LRRTM4: variants seen among roughly 807,000 people sequenced by gnomAD.
The protein encoded by LRRTM4 is leucine rich repeat transmembrane neuronal 4, also known as leucine-rich repeat transmembrane neuronal protein 4.
LRRTM4 carries 25 observed loss-of-function variants against 47.6 expected under a neutral mutation model. The ratio of observed to expected loss-of-function variants is 0.53; its 90% CI spans 0.38 to 0.73. The LOEUF (loss-of-function observed/expected upper bound fraction) is 0.73, where lower values mean the gene tolerates loss of function less well. Among genes scored for constraint, LRRTM4 ranks in the 30% least tolerant of loss-of-function variants. The pLI, the probability that LRRTM4 is intolerant of heterozygous loss-of-function variation, is 0.00. For synonymous variants in LRRTM4, 311 were observed against 269.5 expected (o/e 1.15, Z -1.51); for missense variants, 638 against 713.4 (o/e 0.89, Z 1.20).
intron 3 of LRRTM4, among the ~76,000 whole-genome samples, chr2:77,211,056 G>C (rs552389697): frequency 2.0e-5 from 3 of 152,094 alleles, no homozygotes; most frequent in African/African-American, 7.2e-5. Flanking sequence ...GGCCCATCCA[G>C]GAAAACAGAA....
At position 77,159,024 on chromosome 2, in the gene LRRTM4, C is replaced by T. The variant is rs537345866; in HGVS notation, c.1551+359294G>A. On this transcript the variant is annotated intron_variant, in intron 3 of 3. Coordinates refer to ENST00000409884, the MANE Select transcript of LRRTM4 (RefSeq NM_001134745.3). ...TTAATATTTTAACCACTAAACCAGA[C>T]TTTATATCACTGTTTTGATTTTAAC... Among the ~76,000 whole-genome samples, 5 of 152,272 alleles carry T rather than the reference C, an allele frequency of 3.3e-5. 1 individual carries two copies. The South Asian group carries it at 1.0e-3, about 32-fold the overall frequency.
At position 77,521,740 on chromosome 2, in the gene LRRTM4, C is replaced by A. The variant is rs762647914; in HGVS notation, c.-69G>T. On this transcript the variant is annotated 5_prime_UTR_variant, in exon 2 of 4. Transcript: ENST00000409884. ...CTTATTTGGTCTCTTGTGCGGAAAC[C>A]ACCACCACCTTCATGACACAGTGCG... 18 of 1,566,458 alleles carry A rather than the reference C, an allele frequency of 1.1e-5. No individual in the cohort carries two copies. Among genetic ancestry groups the A allele is most frequent in the Admixed American group, 1.7e-5 (1 of 59,578 alleles).
At chr2:77,331,123 A>G (rs1459163282) in intron 3 of LRRTM4, among the ~76,000 whole-genome samples, 2 of 152,170 alleles carry the variant, frequency 1.3e-5, no homozygotes, top group Admixed American at 1.3e-4. Context: ...AACTTTAGGA[A>G]TCTAACTCAG....
intron 3 of LRRTM4, among the ~76,000 whole-genome samples, chr2:77,327,421 T>C (rs1670818672): frequency 6.6e-6 from 1 of 152,184 alleles, no homozygotes; most frequent in South Asian, 2.1e-4. Context: ...TTGTAGCCTA[T>C]CCATAACAAT....
intron 3 of LRRTM4, among the ~76,000 whole-genome samples, chr2:77,053,352 GA>G (rs1679501449): frequency 2.0e-5 from 3 of 151,896 alleles, no homozygotes; most frequent in Admixed American, 2.0e-4. Context: ...TGATGGATAG[GA>G]AAAAAAGTGG....
At chr2:77,359,991 T>G (rs572857834) in intron 3 of LRRTM4, among the ~76,000 whole-genome samples, 11 of 152,308 alleles carry the variant, frequency 7.2e-5, no homozygotes, top group Non-Finnish European at 1.6e-4. Context: ...ACATGAAGTC[T>G]TCTCTGAATT....
chr2:77,468,663 C>A (rs1228603305), intron 3 of LRRTM4, among the ~76,000 whole-genome samples: 3 of 152,144 alleles, frequency 2.0e-5, no homozygotes, highest in African/African-American at 4.8e-5. Flanking sequence ...AGTGCTCTTA[C>A]TCCAGCTTTG....
chr2:77,518,123 A>G lies in LRRTM4; in HGVS notation c.1551+195T>C, dbSNP rs182549423. 48 of 1,278,584 alleles carry G rather than the reference A, an allele frequency of 3.8e-5. No individual in the cohort carries two copies. The East Asian group carries it at 1.3e-3, about 34-fold the overall frequency. 79.2% of individuals were successfully genotyped at this position (1,278,584 alleles called of 1,614,324 possible). ...TTGAATGAACTTCCTTCAAGTTTCA[A>G]CCATTTAAAAAAAAAAAAAAAGCAG... On this transcript the variant is annotated intron_variant, in intron 3 of 3. Coordinates refer to ENST00000409884, the MANE Select transcript of LRRTM4 (RefSeq NM_001134745.3).
chr2:76,966,160 A>G (rs1293743652), intron 3 of LRRTM4, among the ~76,000 whole-genome samples: 1 of 151,602 alleles, frequency 6.6e-6, no homozygotes, highest in Non-Finnish European at 1.5e-5. Flanking sequence ...AAATGGCAAC[A>G]AATACTTTGA....
chr2:77,207,488 A>T (rs1269177967), intron 3 of LRRTM4, among the ~76,000 whole-genome samples: 1 of 151,570 alleles, frequency 6.6e-6, no homozygotes, highest in East Asian at 1.9e-4. Context: ...GTAGCATGTC[A>T]TCAGAGTGAG....
intron 3 of LRRTM4, among the ~76,000 whole-genome samples, chr2:76,965,038 A>G (rs1035707822): frequency 3.3e-5 from 5 of 151,196 alleles, no homozygotes; most frequent in African/African-American, 1.2e-4. Flanking sequence ...AATTGAATAA[A>G]TGATTAATAA....
At chr2:76,776,760 T>C (rs1374775030) in intron 3 of LRRTM4, among the ~76,000 whole-genome samples, 1 of 143,868 alleles carries the variant, frequency 7.0e-6, no homozygotes. Flanking sequence ...CTCTTTAGTT[T>C]AATTAGATCC....
At chr2:77,356,134 G>A (rs1671958644) in intron 3 of LRRTM4, among the ~76,000 whole-genome samples, 1 of 152,000 alleles carries the variant, frequency 6.6e-6, no homozygotes, top group South Asian at 2.1e-4. Context: ...TCGAATGCCA[G>A]GATAAAGTGG....
intron 3 of LRRTM4, among the ~76,000 whole-genome samples, chr2:76,927,847 TA>T (rs1445211467): frequency 1.3e-5 from 2 of 152,130 alleles, no homozygotes; most frequent in African/African-American, 2.4e-5. Flanking sequence ...GTTAAGCAGG[TA>T]AAAAGAGGTA....
intron 3 of LRRTM4, among the ~76,000 whole-genome samples, chr2:77,251,038 G>C (rs1020758622): frequency 3.3e-5 from 5 of 151,830 alleles, no homozygotes; most frequent in Non-Finnish European, 5.9e-5. Flanking sequence ...GGGAGGTGGA[G>C]GTTGCAGTGA....
At chr2:76,774,635 G>T (rs1442882853) in intron 3 of LRRTM4, among the ~76,000 whole-genome samples, 3 of 152,184 alleles carry the variant, frequency 2.0e-5, no homozygotes, top group Admixed American at 6.5e-5. Context: ...GGAAGGGTTG[G>T]TCTTGCTGTC....
chr2:77,360,560 A>ACATT (rs1184561157), intron 3 of LRRTM4, among the ~76,000 whole-genome samples: 1 of 150,108 alleles, frequency 6.7e-6, no homozygotes, highest in Non-Finnish European at 1.5e-5. Context: ...ATACATACAT[A>ACATT]CATACATACA....
rs1366722234 is a variant in LRRTM4, at chr2:77,465,955, A to AG, written c.1551+52362_1551+52363insC. On this transcript the variant is annotated intron_variant, in intron 3 of 3. Coordinates refer to ENST00000409884, the MANE Select transcript of LRRTM4 (RefSeq NM_001134745.3). Reference sequence around the variant, plus strand: ...AGCAGGCTTCTCAAATGCAATATGGACTGTTTTTCCTTTGCACTTCTGTTT... The same window carrying AG: ...AGCAGGCTTCTCAAATGCAATATGGAGCTGTTTTTCCTTTGCACTTCTGTTT... 7.9e-3 allele frequency among the ~76,000 whole-genome samples: 1,202 copies of AG among 152,206 alleles called. 5 individuals carry two copies. Among genetic ancestry groups the AG allele is most frequent in the Non-Finnish European group, 0.012 (786 of 68,002 alleles).
rs1558571412 is a variant in LRRTM4 at position 77,086,408 on chromosome 2, T to TTGTGTGTGTGTG, written c.1552-337493_1552-337492insCACACACACACA. On this transcript the variant is annotated intron_variant, in intron 3 of 3. Coordinates refer to ENST00000409884, the MANE Select transcript of LRRTM4 (RefSeq NM_001134745.3). ...ATATTTTTTACTTTTTAAACATTTT[T>TTGTGTGTGTGTG]AGTGTGTGTATGTGTGTGTATGTGT... is the stretch of plus-strand genomic sequence containing the variant. Among the ~76,000 whole-genome samples the TTGTGTGTGTGTG allele has an allele frequency of 1.1e-4, 10 of 94,222 alleles. No individual in the cohort carries two copies. The East Asian group carries it at 3.9e-3, about 37-fold the overall frequency. The allele number at this position is 94,222 out of a possible 152,430, so 61.8% of individuals were successfully genotyped here. A position where few individuals can be genotyped will look rare whatever the true frequency, so the allele number is the denominator to read the frequency against.
Sources: allele counts gnomAD v4.1 joint callset (sites outside exome capture counted in the v4.1 genomes callset), GRCh38; gene constraint gnomAD v4.1.1; transcripts MANE v1.5; gene names NCBI Gene and HGNC (gene_info 2026-07-23, HGNC 2026-07-21).